The following DGKH variants were observed in gnomAD, a reference collection of about 807,000 sequenced individuals.
DGKH encodes the protein DAG kinase eta.
DGKH carries 90 observed loss-of-function variants against 159.3 expected under a neutral mutation model. That is an observed-to-expected ratio of 0.57 (90% CI 0.48 to 0.67). The LOEUF is 0.67. Among genes scored for constraint, DGKH ranks in the 30% least tolerant of loss-of-function variants. The pLI, the probability that DGKH is intolerant of heterozygous loss-of-function variation, is 0.00. For synonymous variants in DGKH, 536 were observed against 553.8 expected, an observed-to-expected ratio of 0.97 and a Z score of 0.45; for missense variants, 1,181 against 1,506.1, an observed-to-expected ratio of 0.78 and a Z score of 3.57.
At chr13:42,162,830 CTT>C (rs34901359) in intron 7 of DGKH, among the ~76,000 whole-genome samples, 36 of 135,706 alleles carry the variant, frequency 2.7e-4, no homozygotes, top group Admixed American at 2.9e-4. Context: ...ACATGAGTTT[CTT>C]TTTTTTTTTT....
chr13:42,113,394 A>G (rs1452361919), intron 1 of DGKH, among the ~76,000 whole-genome samples: 2 of 152,208 alleles, frequency 1.3e-5, no homozygotes, highest in Non-Finnish European at 2.9e-5. Flanking sequence ...ATCAAAGTGC[A>G]TTAATGTTTA....
intron 1 of DGKH, among the ~76,000 whole-genome samples, chr13:42,063,973 C>A (rs1343503234): frequency 1.3e-5 from 2 of 150,660 alleles, no homozygotes; most frequent in South Asian, 2.1e-4. Flanking sequence ...ATACTGTGGG[C>A]TGAGGAGAAT....
intron 1 of DGKH, among the ~76,000 whole-genome samples, chr13:42,043,104 A>C (rs1251344021): frequency 6.6e-6 from 1 of 152,172 alleles, no homozygotes; most frequent in Non-Finnish European, 1.5e-5. Context: ...CAATCCCTTT[A>C]AGAATCTGAT....
chr13:42,112,818 G>C (rs940280336), intron 1 of DGKH, among the ~76,000 whole-genome samples: 1 of 152,128 alleles, frequency 6.6e-6, no homozygotes, highest in African/African-American at 2.4e-5. Context: ...CTTTCCTGGC[G>C]AGGTCAGCGA....
intron 26 of DGKH, 27 bp from the exon 27 acceptor site, chr13:42,219,203 T>A (rs1957898323): frequency 6.2e-7 from 1 of 1,612,440 alleles, no homozygotes; most frequent in East Asian, 2.2e-5. Flanking sequence ...CTTGTTTTGT[T>A]TTGTCTTTTA....
chr13:42,135,506 A>AG (rs1955384790), intron 3 of DGKH, among the ~76,000 whole-genome samples: 1 of 148,166 alleles, frequency 6.7e-6, no homozygotes, highest in African/African-American at 2.4e-5. Flanking sequence ...AAAAAAAAAA[A>AG]AAGAGAGAGA....
chr13:42,062,501 G>GT (rs1202779495), intron 1 of DGKH, among the ~76,000 whole-genome samples: 1 of 152,136 alleles, frequency 6.6e-6, no homozygotes, highest in Non-Finnish European at 1.5e-5. Flanking sequence ...TTATAAAGTC[G>GT]TATTACCAGC....
chr13:42,121,698 C>A (rs1955074838), intron 1 of DGKH, among the ~76,000 whole-genome samples: 2 of 152,292 alleles, frequency 1.3e-5, no homozygotes, highest in Non-Finnish European at 1.5e-5. Flanking sequence ...AAGTATTAGG[C>A]AACTGGTATC....
intron 1 of DGKH, among the ~76,000 whole-genome samples, chr13:42,099,447 A>G (rs1337801995): frequency 6.6e-6 from 1 of 152,172 alleles, no homozygotes; most frequent in Non-Finnish European, 1.5e-5. Context: ...AAGTGTTCAC[A>G]CTGGGTCTGT....
intron 1 of DGKH, among the ~76,000 whole-genome samples, chr13:42,107,518 GCCTTAAGGAAA>G (rs1463010257): frequency 2.0e-5 from 3 of 152,192 alleles, no homozygotes; most frequent in Admixed American, 1.3e-4. Context: ...GATGAGATCT[GCCTTAAGGAAA>G]CAATTCTGGA....
intron 29 of DGKH, among the ~76,000 whole-genome samples, chr13:42,226,718 A>G (rs1401609114): frequency 1.3e-5 from 2 of 151,928 alleles, no homozygotes; most frequent in African/African-American, 2.4e-5. Flanking sequence ...TTAGCTGAGC[A>G]TGGTGGCAGG....
At chr13:42,100,085 T>A (rs893450837) in intron 1 of DGKH, among the ~76,000 whole-genome samples, 1 of 152,184 alleles carries the variant, frequency 6.6e-6, no homozygotes, top group Non-Finnish European at 1.5e-5. Flanking sequence ...GGGGGGCAAG[T>A]GAGTGAAGCT....
chr13:42,094,512 T>C (rs1406127881), intron 1 of DGKH, among the ~76,000 whole-genome samples: 1 of 152,218 alleles, frequency 6.6e-6, no homozygotes, highest in Non-Finnish European at 1.5e-5. Context: ...GGTATCTCTG[T>C]GGTAATGCTT....
chr13:42,043,556 T>G (rs1265814469), intron 1 of DGKH, among the ~76,000 whole-genome samples: 1 of 152,026 alleles, frequency 6.6e-6, no homozygotes, highest in Non-Finnish European at 1.5e-5. Context: ...GGTCTCAAAC[T>G]TGTGGCCTTA....
intron 1 of DGKH, among the ~76,000 whole-genome samples, chr13:42,095,630 C>T (rs1347597291): frequency 6.6e-6 from 1 of 152,118 alleles, no homozygotes; most frequent in Non-Finnish European, 1.5e-5. Flanking sequence ...CAAAGAAAAG[C>T]AAAGGAAACT....
intron 1 of DGKH, among the ~76,000 whole-genome samples, chr13:42,049,789 T>C (rs970319997): frequency 1.3e-5 from 2 of 152,246 alleles, no homozygotes; most frequent in Non-Finnish European, 2.9e-5. Flanking sequence ...ACCTGTGAGG[T>C]CTCAAAGTTA....
intron 1 of DGKH, among the ~76,000 whole-genome samples, chr13:42,049,700 TTAA>T (rs751519603): frequency 3.3e-5 from 5 of 152,216 alleles, no homozygotes; most frequent in Non-Finnish European, 5.9e-5. Context: ...ATGGTTCTTT[TTAA>T]TAATGAGAAG....
intron 13 of DGKH, 83 bp from the exon 14 acceptor site, chr13:42,186,964 TTG>T (rs1956945520): frequency 2.6e-6 from 3 of 1,167,598 alleles, no homozygotes; most frequent in Non-Finnish European, 3.8e-6. Flanking sequence ...GTTTGCTTAA[TTG>T]TGTTTCTTTT....
intron 29 of DGKH, 54 bp from the exon 30 acceptor site, chr13:42,229,045 T>C (rs990653490): frequency 8.1e-6 from 12 of 1,475,340 alleles, no homozygotes; most frequent in African/African-American, 1.4e-5. Flanking sequence ...TTTCTTTCTG[T>C]GTTTTTTCTT....
Sources: allele counts gnomAD v4.1 joint callset (sites outside exome capture counted in the v4.1 genomes callset), GRCh38; gene constraint gnomAD v4.1.1; transcripts MANE v1.5; gene names NCBI Gene and HGNC (gene_info 2026-07-23, HGNC 2026-07-21).